Variants in LMAN2 observed in about 807,000 individuals in gnomAD.
The protein encoded by LMAN2 is lectin, mannose binding 2.
In LMAN2, 22 loss-of-function variants were observed where a neutral mutation model predicts 39.3. The observed-to-expected ratio is 0.56, with a 90% CI of 0.40 to 0.80. The LOEUF is 0.80. Among genes scored for constraint, LMAN2 ranks in the 30% least tolerant of loss-of-function variants. The pLI is 0.00. For synonymous variants in LMAN2, 207 were observed against 207.8 expected (o/e 1.00, Z 0.03); for missense variants, 494 against 505.4 (o/e 0.98, Z 0.22).
chr5:177,331,780 G>C lies in LMAN2; in HGVS notation c.*306C>G. 3.8e-6 allele frequency: 1 copy of C among 262,280 alleles called. No homozygotes were observed. The highest frequency in any genetic ancestry group is 9.6e-5 in the South Asian group (1 of 10,374). The allele number at this position is 262,280 out of a possible 1,614,324, so 16.2% of individuals were successfully genotyped here. A position where few individuals can be genotyped will look rare whatever the true frequency, so the allele number is the denominator to read the frequency against. ...CAGGAGCCCACCCCAGTGTGGTCCG[G>C]GGGACCCTCCAGTGTTCAACAGCTG... is the stretch of plus-strand genomic sequence containing the variant. On this transcript the variant is annotated 3_prime_UTR_variant, in exon 8 of 8. Transcript: ENST00000303127.
intron 2 of LMAN2, among the ~76,000 whole-genome samples, chr5:177,345,339 TAAAAAAAAA>T (rs10639580): frequency 7.6e-5 from 4 of 52,392 alleles, no homozygotes; most frequent in East Asian, 7.8e-4. Flanking sequence ...AGACCCTGTC[TAAAAAAAAA>T]AAAAAAAAAA....
chr5:177,340,381 A>G (rs1761533572), intron 2 of LMAN2, among the ~76,000 whole-genome samples: 1 of 152,154 alleles, frequency 6.6e-6, no homozygotes, highest in Admixed American at 6.5e-5. Context: ...TGCAGGTTAC[A>G]TGGGTATACT....
Position 177,334,174 on chromosome 5 carries a change from G to GACCACAACC in LMAN2, c.910+101_910+109dup, listed in dbSNP as rs542497741. 11,939 of 1,488,306 alleles carry GACCACAACC rather than the reference G, an allele frequency of 8.0e-3. 66 individuals are homozygous for GACCACAACC. The highest frequency in any genetic ancestry group is 9.9e-3 in the Non-Finnish European group (11,075 of 1,123,562). The allele number at this position is 1,488,306 out of a possible 1,614,324, so 92.2% of individuals were successfully genotyped here. A position where few individuals can be genotyped will look rare whatever the true frequency, so the allele number is the denominator to read the frequency against. On this transcript the variant is annotated intron_variant, in intron 7 of 7. Transcript: ENST00000303127. Reference sequence around the variant, plus strand: ...AGGACCGGGCTGATCCAAGAGCCCAGACCACAACCACCACAACCACGACTG... The same window carrying GACCACAACC: ...AGGACCGGGCTGATCCAAGAGCCCAGACCACAACCACCACAACCACCACAACCACGACTG...
intron 2 of LMAN2, among the ~76,000 whole-genome samples, chr5:177,349,410 T>C (rs1009291006): frequency 6.6e-6 from 1 of 152,216 alleles, no homozygotes; most frequent in Non-Finnish European, 1.5e-5. Context: ...AAAATTCTGA[T>C]TTCCAAGCCA....
At position 177,337,801 on chromosome 5, in the gene LMAN2, G is replaced by A. The variant is rs1761497516; in HGVS notation, c.434-16C>T. ...AACACAGGCCCTAGAATTATAAGCA[G>A]ATGCTCTCAGAATGGGAGAAACAGG... On this transcript the variant is annotated splice_polypyrimidine_tract_variant and intron_variant, in intron 3 of 7. Transcript: ENST00000303127. This position sits in a 1 kb window ranked among gnomAD's most constrained non-coding sequence, Gnocchi z 8.2. 1 of 1,611,580 alleles carries A rather than the reference G, an allele frequency of 6.2e-7. No individual in the cohort carries two copies. Among genetic ancestry groups the A allele is most frequent in the South Asian group, 1.1e-5 (1 of 90,670 alleles).
At position 177,337,292 on chromosome 5, in the gene LMAN2, C is replaced by T. The variant is rs539663900; in HGVS notation, c.676-42G>A. ...GCTAAGCACCTCGCAGGACAGCAGC[C>T]TGCCCTCCTGAGCCTCTGTGGGACC... On this transcript the variant is annotated intron_variant, in intron 5 of 7. Transcript: ENST00000303127. This position sits in a 1 kb window ranked among gnomAD's most constrained non-coding sequence, Gnocchi z 8.2. 2.5e-6 allele frequency: 4 copies of T among 1,612,590 alleles called. No individual in the cohort carries two copies. In the South Asian group the frequency reaches 4.4e-5, roughly 18 times the overall value.
chr5:177,347,881 G>C (rs1388764900), intron 2 of LMAN2, among the ~76,000 whole-genome samples: 2 of 152,286 alleles, frequency 1.3e-5, no homozygotes, highest in East Asian at 3.9e-4. Context: ...GATACTCAGA[G>C]GCTGAGGTGG....
chr5:177,332,272 G>C lies in LMAN2; in HGVS notation c.911-26C>G, dbSNP rs1463451064. 6.2e-7 allele frequency: 1 copy of C among 1,607,194 alleles called. No homozygotes were observed. Among genetic ancestry groups the C allele is most frequent in the Admixed American group, 1.7e-5 (1 of 59,312 alleles). ...CTGGGGGAGAAGAAACGGGGGAGCT[G>C]AAACGGCAGCACGGGCCGGGGATCA... On this transcript the variant is annotated intron_variant, in intron 7 of 7. Coordinates refer to ENST00000303127, the MANE Select transcript of LMAN2 (RefSeq NM_006816.3). This position sits in a 1 kb window ranked among gnomAD's most constrained non-coding sequence, Gnocchi z 6.3.
chr5:177,332,272 G>A lies in LMAN2; in HGVS notation c.911-26C>T. The A allele has an allele frequency of 6.2e-7, 1 of 1,607,312 alleles. No individual in the cohort carries two copies. The highest frequency in any genetic ancestry group is 2.2e-5 in the East Asian group (1 of 44,758). ...CTGGGGGAGAAGAAACGGGGGAGCT[G>A]AAACGGCAGCACGGGCCGGGGATCA... is the stretch of plus-strand genomic sequence containing the variant. On this transcript the variant is annotated intron_variant, in intron 7 of 7. Coordinates refer to ENST00000303127, the MANE Select transcript of LMAN2 (RefSeq NM_006816.3). This position sits in a 1 kb window ranked among gnomAD's most constrained non-coding sequence, Gnocchi z 6.3.
chr5:177,339,699 G>A (rs977079016), intron 2 of LMAN2, among the ~76,000 whole-genome samples: 1 of 152,210 alleles, frequency 6.6e-6, no homozygotes, highest in African/African-American at 2.4e-5. Context: ...AGATGAGCAT[G>A]AAGAGAAATG....
At chr5:177,346,926 G>A (rs1761645507) in intron 2 of LMAN2, among the ~76,000 whole-genome samples, 1 of 152,042 alleles carries the variant, frequency 6.6e-6, no homozygotes, top group African/African-American at 2.4e-5. Context: ...GACCCACCTG[G>A]GAAGCTCAGA....
In LMAN2 at chr5:177,331,681, G is replaced by A. The variant is rs758121070; in HGVS notation, c.*405C>T. The stretch of plus-strand genomic sequence containing the variant: ...AGCTCAGGGTGAACAGGAAGGCCTG[G>A]GTTTCCCAGTTCAGGCCTTATCCGT... On this transcript the variant is annotated 3_prime_UTR_variant, in exon 8 of 8. Coordinates refer to ENST00000303127, the MANE Select transcript of LMAN2 (RefSeq NM_006816.3). 8 of 159,724 alleles carry A rather than the reference G, an allele frequency of 5.0e-5. No individual in the cohort carries two copies. The highest frequency in any genetic ancestry group is 9.6e-5 in the Non-Finnish European group (7 of 72,824). The allele number at this position is 159,724 out of a possible 1,614,324, so 9.9% of individuals were successfully genotyped here. A position where few individuals can be genotyped will look rare whatever the true frequency, so the allele number is the denominator to read the frequency against.
At chr5:177,341,348 G>A (rs566222672) in intron 2 of LMAN2, among the ~76,000 whole-genome samples, 1 of 152,116 alleles carries the variant, frequency 6.6e-6, no homozygotes, top group Admixed American at 6.5e-5. Context: ...TTACAGGCGT[G>A]AGCCACCGCG....
At chr5:177,336,874 G>T in intron 6 of LMAN2, 1 of 550,202 alleles carries the variant, frequency 1.8e-6, no homozygotes, top group South Asian at 2.1e-5. Context: ...GAGGAACACA[G>T]CCAGGTGAGC....
chr5:177,351,557 T>G lies in LMAN2; in HGVS notation c.91A>C (p.Thr31Pro). Residue 31 changes from threonine to proline, a missense_variant, in exon 1 of 8, where the codon ACA (threonine) becomes CCA (proline). Coordinates refer to ENST00000303127, the MANE Select transcript of LMAN2 (RefSeq NM_006816.3). ...AACAACAAAAGAAGAAAGAGAGGTGTAGTGGGGCCAGGGCCGGGGCCGAGA... is the reference window on the plus strand; with the variant it reads ...AACAACAAAAGAAGAAAGAGAGGTGGAGTGGGGCCAGGGCCGGGGCCGAGA... ...GLLGPGPGPT[T>P]PLFLLLLLGS... is the part of the protein sequence containing the mutation. 3 of 1,614,216 alleles carry G rather than the reference T, an allele frequency of 1.9e-6. No individual in the cohort carries two copies. The highest frequency in any genetic ancestry group is 2.5e-6 in the Non-Finnish European group (3 of 1,180,042).
intron 6 of LMAN2, 124 bp from the exon 7 acceptor site, chr5:177,334,527 A>G: frequency 2.2e-6 from 3 of 1,354,056 alleles, no homozygotes; most frequent in South Asian, 2.9e-5. Context: ...TGGGGAGAGC[A>G]CTGCCCAGCC....
chr5:177,334,324 G>A lies in LMAN2; in HGVS notation c.870C>T (p.Thr290=). Reference sequence around the variant, plus strand: ...GGAAGTTGACGCTGGGCTCGATCTTGGTCCAGTCGATGCTCTCCTCGTCGG... The same window carrying A: ...GGAAGTTGACGCTGGGCTCGATCTTAGTCCAGTCGATGCTCTCCTCGTCGG... The part of the protein sequence containing the change: ...HTPDEESIDW[T]KIEPSVNFLK... The change falls in exon 7 of 8, where the codon ACC becomes ACT. Residue 290 remains threonine, a synonymous_variant. Transcript: ENST00000303127. 2 of 1,613,180 alleles carry A rather than the reference G, an allele frequency of 1.2e-6. No homozygotes were observed. Among genetic ancestry groups the A allele is most frequent in the Non-Finnish European group, 1.7e-6 (2 of 1,180,014 alleles).
intron 2 of LMAN2, among the ~76,000 whole-genome samples, chr5:177,339,783 A>T (rs1230180669): frequency 7.2e-5 from 11 of 152,242 alleles, no homozygotes; most frequent in Admixed American, 6.5e-4. Flanking sequence ...GCGACTGTTT[A>T]CCATGTTTGA....
In LMAN2 at chr5:177,342,898, C is replaced by A. The variant is rs117846927; in HGVS notation, c.316-4293G>T. ...ATCAAGAGGGTGAAAAGACAACCCA[C>A]AGAATAGGAGAAAATATTTGCAAAT... is the stretch of plus-strand genomic sequence containing the variant. On this transcript the variant is annotated intron_variant, in intron 2 of 7. Transcript: ENST00000303127. 1.1e-3 allele frequency among the ~76,000 whole-genome samples: 167 copies of A among 151,748 alleles called. 1 individual carries two copies. In the East Asian group the frequency reaches 0.029, roughly 26 times the overall value.
Sources: gnomAD v4.1 joint callset for allele counts (sites outside exome capture counted in the v4.1 genomes callset) on GRCh38, gnomAD v4.1.1 for gene constraint, Gnocchi (gnomAD v3.1) non-coding constraint, MANE v1.5 for transcripts, NCBI Gene and HGNC (gene_info 2026-07-23, HGNC 2026-07-21) for gene names.